The following DPP6 variants were observed in gnomAD, a reference collection of about 807,000 sequenced individuals.
DPP6 encodes A-type potassium channel modulatory protein DPP6.
A neutral mutation model predicts 122.6 loss-of-function variants in DPP6; 69 were observed. The ratio of observed to expected loss-of-function variants is 0.56; its 90% CI spans 0.46 to 0.69. The LOEUF is 0.69. DPP6 is among the 30% of genes least tolerant of loss of function. DPP6 has a pLI of 0.00. For missense variants in DPP6, 928 were observed against 1,116.9 expected (o/e 0.83, Z 2.41); for synonymous variants, 418 against 433.1 (o/e 0.97, Z 0.43).
the DPP6 span, among the ~76,000 whole-genome samples, chr7:153,835,716 A>C: frequency 6.6e-6 from 1 of 152,200 alleles, no homozygotes; most frequent in Admixed American, 6.5e-5. Flanking sequence ...CCAAGAATAA[A>C]ATTGTGCCAG....
At chr7:154,206,670 TATC>T (rs1412594526) in intron 1 of DPP6, among the ~76,000 whole-genome samples, 1 of 152,208 alleles carries the variant, frequency 6.6e-6, no homozygotes, top group East Asian at 1.9e-4. Flanking sequence ...CTCATCAAGA[TATC>T]AGAAATCTTT....
chr7:154,850,480 T>G (rs1802282966), intron 16 of DPP6, among the ~76,000 whole-genome samples: 1 of 152,184 alleles, frequency 6.6e-6, no homozygotes, highest in Non-Finnish European at 1.5e-5. Flanking sequence ...TAAAATGAGT[T>G]TGGAAGTACT....
At chr7:154,004,960 G>C (rs976994478) in intron 1 of DPP6, among the ~76,000 whole-genome samples, 3 of 152,034 alleles carry the variant, frequency 2.0e-5, no homozygotes, top group African/African-American at 7.2e-5. Context: ...GGTCATGATA[G>C]TCCGTTATGT....
intron 1 of DPP6, among the ~76,000 whole-genome samples, chr7:154,257,081 C>CA (rs1205303295): frequency 6.7e-6 from 1 of 149,836 alleles, no homozygotes; most frequent in African/African-American, 2.5e-5. Context: ...ACTGCAGCCT[C>CA]AATCTCCTGG....
intron 3 of DPP6, among the ~76,000 whole-genome samples, chr7:154,489,365 G>T (rs943161921): frequency 8.5e-5 from 13 of 152,140 alleles, no homozygotes; most frequent in African/African-American, 3.1e-4. Context: ...TGCTCCCTTC[G>T]CAAGCTGAGT....
intron 1 of DPP6, among the ~76,000 whole-genome samples, chr7:154,365,957 CAAAAAA>C (rs35516153): frequency 4.0e-5 from 3 of 75,944 alleles, no homozygotes; most frequent in South Asian, 4.9e-4. Context: ...GACTCCGTCT[CAAAAAA>C]AAAAAAAAAA....
intron 8 of DPP6, among the ~76,000 whole-genome samples, chr7:154,732,885 C>T (rs1336824056): frequency 2.0e-5 from 3 of 152,162 alleles, no homozygotes; most frequent in Non-Finnish European, 4.4e-5. Flanking sequence ...GTTCTAGGAC[C>T]CATGCAGTCA....
intron 1 of DPP6, among the ~76,000 whole-genome samples, chr7:154,224,891 C>G (rs1020644188): frequency 2.6e-5 from 4 of 151,774 alleles, no homozygotes; most frequent in African/African-American, 9.7e-5. Context: ...GCCTGTAATC[C>G]CAGCACTTTG....
intron 1 of DPP6, among the ~76,000 whole-genome samples, chr7:154,416,363 C>G (rs1254592919): frequency 6.6e-6 from 1 of 152,120 alleles, no homozygotes; most frequent in Non-Finnish European, 1.5e-5. Context: ...GTGTCATTCC[C>G]CAGACTTCAT....
rs554159484 is a variant in DPP6, at chr7:154,810,833, C to A, written c.1666+3721C>A. ...CCATTGGGCACCTCCACAATCTCAC[C>A]TTCAGAAAGGATGGGATGCTCCTCC... is the stretch of plus-strand genomic sequence containing the variant. On this transcript the variant is annotated intron_variant, in intron 16 of 25. Coordinates refer to ENST00000377770, the MANE Select transcript of DPP6 (RefSeq NM_130797.4). 9.2e-5 allele frequency among the ~76,000 whole-genome samples: 14 copies of A among 152,298 alleles called. No individual in the cohort carries two copies. The East Asian group carries it at 2.5e-3, about 27-fold the overall frequency.
intron 1 of DPP6, among the ~76,000 whole-genome samples, chr7:154,431,549 T>TGAGATGGAA (rs1818420477): frequency 6.9e-6 from 1 of 145,262 alleles, no homozygotes; most frequent in African/African-American, 2.5e-5. Flanking sequence ...TTTTTTTTTT[T>TGAGATGGAA]TTGAGATGGA....
the DPP6 span, among the ~76,000 whole-genome samples, chr7:153,795,784 G>A: frequency 6.7e-6 from 1 of 150,340 alleles, no homozygotes. Context: ...CAAAATTAAT[G>A]TGGTATGATT....
intron 1 of DPP6, among the ~76,000 whole-genome samples, chr7:154,158,625 G>T (rs1459449446): frequency 6.6e-6 from 1 of 151,936 alleles, no homozygotes; most frequent in South Asian, 2.1e-4. Flanking sequence ...CTGTCTTTAT[G>T]AAACAACATT....
At chr7:153,946,693 G>A (rs187188217) in intron 1 of DPP6, among the ~76,000 whole-genome samples, 3 of 152,194 alleles carry the variant, frequency 2.0e-5, no homozygotes, top group Non-Finnish European at 2.9e-5. Context: ...TGGTTCAAAC[G>A]CCTCTGACAT....
At chr7:154,637,427 A>G (rs1302907469) in intron 5 of DPP6, among the ~76,000 whole-genome samples, 1 of 152,130 alleles carries the variant, frequency 6.6e-6, no homozygotes, top group Admixed American at 6.5e-5. Context: ...CCTTCCCATA[A>G]CCCACAGGGA....
intron 5 of DPP6, among the ~76,000 whole-genome samples, chr7:154,623,653 GCGCACACA>G (rs1834874359): frequency 7.4e-6 from 1 of 134,596 alleles, no homozygotes; most frequent in African/African-American, 3.7e-5. Context: ...GCGCACACAC[GCGCACACA>G]CACGCACACA....
chr7:153,968,717 A>G (rs1563059907), intron 1 of DPP6: 1 of 151,690 alleles, frequency 6.6e-6, no homozygotes. Flanking sequence ...TTCCATTGCT[A>G]AGCCCACTAG....
intron 1 of DPP6, among the ~76,000 whole-genome samples, chr7:153,957,164 G>A (rs1452324152): frequency 6.6e-6 from 1 of 152,154 alleles, no homozygotes; most frequent in African/African-American, 2.4e-5. Flanking sequence ...ATAACCTCAG[G>A]GTAAGAGGGA....
At chr7:153,757,575 G>A in the DPP6 span, among the ~76,000 whole-genome samples, 1 of 152,144 alleles carries the variant, frequency 6.6e-6, no homozygotes. Flanking sequence ...ACCGCTCTCT[G>A]GGCCTTTGTT....
Sources: gnomAD v4.1 joint callset for allele counts (sites outside exome capture counted in the v4.1 genomes callset) on GRCh38, gnomAD v4.1.1 for gene constraint, MANE v1.5 for transcripts, NCBI Gene and HGNC (gene_info 2026-07-23, HGNC 2026-07-21) for gene names.